Variants in TBXAS1 observed in about 807,000 individuals in gnomAD.
TBXAS1 encodes thromboxane-A synthase.
In TBXAS1, 48 loss-of-function variants were observed where a neutral mutation model predicts 60.7. The observed-to-expected ratio is 0.79, with a 90% confidence interval of 0.63 to 1.01. The LOEUF is 1.01. Ranked by LOEUF, TBXAS1 falls within the 50% of genes least tolerant of loss-of-function variation. The pLI is 0.00. For missense variants in TBXAS1, 685 were observed against 686.3 expected (o/e 1.00, Z 0.02); for synonymous variants, 287 against 269.7 (o/e 1.06, Z -0.63).
chr7:139,797,772 C>T (rs983306406), intron 4 of TBXAS1, among the ~76,000 whole-genome samples: 28 of 152,184 alleles, frequency 1.8e-4, no homozygotes, highest in Non-Finnish European at 4.1e-4. Flanking sequence ...TGTCCACTCA[C>T]AGCTGAGATA....
chr7:139,886,154 C>T (rs1371623428), intron 3 of TBXAS1, among the ~76,000 whole-genome samples: 5 of 152,138 alleles, frequency 3.3e-5, no homozygotes, highest in Non-Finnish European at 4.4e-5. Flanking sequence ...ATAATATAAA[C>T]TTAACTACGA....
chr7:139,792,549 C>G (rs1017563318), intron 4 of TBXAS1, among the ~76,000 whole-genome samples: 2 of 152,160 alleles, frequency 1.3e-5, no homozygotes, highest in Admixed American at 1.3e-4. Flanking sequence ...ACAAAACAAA[C>G]AGACATAGAA....
At chr7:139,969,121 A>G (rs1038912056) in intron 9 of TBXAS1, among the ~76,000 whole-genome samples, 1 of 152,154 alleles carries the variant, frequency 6.6e-6, no homozygotes, top group African/African-American at 2.4e-5. Flanking sequence ...CTTCTGCTTA[A>G]TTGTTGTTAT....
upstream of TBXAS1, among the ~76,000 whole-genome samples, chr7:139,827,214 G>C (rs1473139176): frequency 6.6e-6 from 1 of 152,182 alleles, no homozygotes; most frequent in Non-Finnish European, 1.5e-5. Flanking sequence ...ACAGCCTTCT[G>C]TAACAAATGT....
chr7:139,857,586 C>T (rs1032049759), intron 1 of TBXAS1, among the ~76,000 whole-genome samples: 1 of 152,132 alleles, frequency 6.6e-6, no homozygotes. Context: ...TAGAAACACA[C>T]GTTGTGTGTG....
intron 1 of TBXAS1, among the ~76,000 whole-genome samples, chr7:139,856,428 T>C (rs1800588621): frequency 6.6e-6 from 1 of 152,154 alleles, no homozygotes; most frequent in African/African-American, 2.4e-5. Flanking sequence ...AGTGTGTCAA[T>C]GGAAGAGGGA....
intron 9 of TBXAS1, among the ~76,000 whole-genome samples, chr7:139,993,145 C>T (rs1026842553): frequency 2.6e-5 from 4 of 152,126 alleles, no homozygotes; most frequent in Admixed American, 6.5e-5. Flanking sequence ...TGCAGTGAGC[C>T]GATCCAGCCT....
Position 139,951,169 on chromosome 7 carries a change from G to T in TBXAS1, c.451-2199G>T, listed in dbSNP as rs114381439. Among the ~76,000 whole-genome samples the T allele has an allele frequency of 2.5e-3, 376 of 152,216 alleles. 1 individual carries two copies. Among genetic ancestry groups the T allele is most frequent in the African/African-American group, 8.5e-3 (354 of 41,522 alleles). ...CTAATGAATGGTCCCTAAAAAAATC[G>T]AAATAGCAATTGTACCTGGTTATCA... On this transcript the variant is annotated intron_variant, in intron 5 of 12. Coordinates refer to ENST00000448866, the MANE Select transcript of TBXAS1 (RefSeq NM_001061.7).
At chr7:139,886,666 C>T (rs896148212) in intron 3 of TBXAS1, among the ~76,000 whole-genome samples, 20 of 152,148 alleles carry the variant, frequency 1.3e-4, no homozygotes, top group Non-Finnish European at 2.4e-4. Flanking sequence ...CCATCTTTTC[C>T]GTGGCTAATG....
intron 1 of TBXAS1, among the ~76,000 whole-genome samples, chr7:139,867,600 C>T (rs1269529679): frequency 6.6e-6 from 1 of 152,144 alleles, no homozygotes; most frequent in African/African-American, 2.4e-5. Flanking sequence ...GCAGGCGGAT[C>T]GCCTGAGGTC....
At chr7:139,812,722 A>G (rs1267322014) in intron 4 of TBXAS1, among the ~76,000 whole-genome samples, 6 of 152,184 alleles carry the variant, frequency 3.9e-5, no homozygotes, top group African/African-American at 1.4e-4. Context: ...GAAGTACCTG[A>G]GAGTTTCCTG....
At chr7:139,791,381 A>C (rs1797376332) in intron 4 of TBXAS1, among the ~76,000 whole-genome samples, 1 of 152,110 alleles carries the variant, frequency 6.6e-6, no homozygotes, top group African/African-American at 2.4e-5. Context: ...AGAAGGAGAG[A>C]ATGGAGGATA....
At chr7:139,928,643 T>C (rs1569514778) in intron 4 of TBXAS1, among the ~76,000 whole-genome samples, 2 of 152,236 alleles carry the variant, frequency 1.3e-5, no homozygotes, top group African/African-American at 2.4e-5. Context: ...TCCAGATTAA[T>C]AGAGTTTTAT....
intron 3 of TBXAS1, among the ~76,000 whole-genome samples, chr7:139,894,371 T>C (rs1047381700): frequency 6.6e-6 from 1 of 152,166 alleles, no homozygotes; most frequent in Admixed American, 6.5e-5. Context: ...TTGTGGACTC[T>C]CCTGGTGGAG....
chr7:139,904,888 A>G (rs955214187), intron 3 of TBXAS1, among the ~76,000 whole-genome samples: 1 of 152,044 alleles, frequency 6.6e-6, no homozygotes, highest in Non-Finnish European at 1.5e-5. Context: ...TTGTATTGTC[A>G]GCAGTGACAG....
intron 5 of TBXAS1, among the ~76,000 whole-genome samples, chr7:139,941,256 C>T (rs1467021497): frequency 1.3e-5 from 2 of 152,160 alleles, no homozygotes; most frequent in Non-Finnish European, 2.9e-5. Flanking sequence ...TCCTTTAGAA[C>T]CTTGGCAGCC....
At chr7:139,991,179 CTTGT>C (rs942002709) in intron 9 of TBXAS1, among the ~76,000 whole-genome samples, 2 of 152,138 alleles carry the variant, frequency 1.3e-5, no homozygotes, top group African/African-American at 2.4e-5. Flanking sequence ...GTTCCAAAAC[CTTGT>C]TTAAGTGCGT....
chr7:139,930,353 G>C (rs1453337774), intron 4 of TBXAS1, among the ~76,000 whole-genome samples: 1 of 152,178 alleles, frequency 6.6e-6, no homozygotes. Flanking sequence ...CTAAATCATG[G>C]CCTAGCACAT....
At chr7:139,875,689 C>A in intron 3 of TBXAS1, 52 bp downstream of exon 3, 1 of 1,601,154 alleles carries the variant, frequency 6.2e-7, no homozygotes, top group Non-Finnish European at 8.6e-7. Flanking sequence ...CTATTATGTA[C>A]GATATTTTGA....
Sources: gnomAD v4.1 joint callset for allele counts (sites outside exome capture counted in the v4.1 genomes callset) on GRCh38, gnomAD v4.1.1 for gene constraint, MANE v1.5 for transcripts, NCBI Gene and HGNC (gene_info 2026-07-23, HGNC 2026-07-21) for gene names.